Variants in BPTF observed in about 807,000 individuals in gnomAD.
BPTF encodes the protein bromodomain PHD finger transcription factor, also known as nucleosome-remodeling factor subunit BPTF.
BPTF carries 18 observed loss-of-function variants against 292.5 expected under a neutral mutation model. The ratio of observed to expected loss-of-function variants is 0.06; its 90% confidence interval spans 0.04 to 0.09. The LOEUF is 0.09. Ranked by LOEUF, BPTF falls within the 10% of genes least tolerant of loss-of-function variation. The pLI is 1.00. For synonymous variants in BPTF, 1,225 were observed against 1,251.9 expected, an observed-to-expected ratio of 0.98 and a Z score of 0.45; for missense variants, 2,726 against 3,498.7, an observed-to-expected ratio of 0.78 and a Z score of 5.57.
intron 24 of BPTF, 96 bp downstream of exon 24, chr17:67,959,971 T>C (rs1328575159): frequency 7.4e-6 from 7 of 949,862 alleles, no homozygotes; most frequent in African/African-American, 1.7e-5. Flanking sequence ...GTGATATAAA[T>C]GAAAATATTA....
At chr17:67,919,525 C>G (rs1250474346) in intron 12 of BPTF, among the ~76,000 whole-genome samples, 1 of 152,044 alleles carries the variant, frequency 6.6e-6, no homozygotes. Context: ...GATAACAGAG[C>G]AAAACCCTGT....
intron 2 of BPTF, among the ~76,000 whole-genome samples, chr17:67,859,420 A>T (rs2058940112): frequency 6.6e-6 from 1 of 152,246 alleles, no homozygotes; most frequent in South Asian, 2.1e-4. Flanking sequence ...TCATAGGGTT[A>T]CAGGCCTGAG....
intron 2 of BPTF, among the ~76,000 whole-genome samples, chr17:67,857,279 A>C (rs962586686): frequency 2.0e-5 from 3 of 149,098 alleles, no homozygotes; most frequent in African/African-American, 7.4e-5. Context: ...CTCCTGCCTC[A>C]ACCTCCGAGT....
chr17:67,883,704 A>T lies in BPTF; in HGVS notation c.1865-8140A>T, dbSNP rs537850914. On this transcript the variant is annotated intron_variant, in intron 4 of 27. Transcript: ENST00000306378. ...AACCTCCGCCCCCCTGGGTTCAAGCAGTTCTTCTGCCTCAGCCTCCCAGGT... is the reference window on the plus strand; with the variant it reads ...AACCTCCGCCCCCCTGGGTTCAAGCTGTTCTTCTGCCTCAGCCTCCCAGGT... Among the ~76,000 whole-genome samples, 42 of 152,102 alleles carry T rather than the reference A, an allele frequency of 2.8e-4. 1 individual carries two copies. In the South Asian group the frequency reaches 6.9e-3, roughly 25 times the overall value.
At chr17:67,896,446 C>T (rs546588150) in intron 7 of BPTF, among the ~76,000 whole-genome samples, 41 of 124,184 alleles carry the variant, frequency 3.3e-4, no homozygotes, top group Non-Finnish European at 6.1e-4. Flanking sequence ...GTTTACTCTA[C>T]GGGTAATGAG....
intron 3 of BPTF, among the ~76,000 whole-genome samples, chr17:67,870,245 T>C (rs551362124): frequency 1.8e-4 from 27 of 151,824 alleles, no homozygotes; most frequent in Admixed American, 1.2e-3. Flanking sequence ...GACATAAATA[T>C]TTTTTTCTTT....
chr17:67,918,567 C>T, intron 11 of BPTF, 147 bp from the exon 12 acceptor site: 2 of 629,642 alleles, frequency 3.2e-6, no homozygotes, highest in Non-Finnish European at 4.8e-6. Flanking sequence ...ACATATAATA[C>T]CAAAGTCTTA....
chr17:67,929,313 T>C (rs1247573199), intron 16 of BPTF, 23 bp from the exon 17 acceptor site: 1 of 1,612,442 alleles, frequency 6.2e-7, no homozygotes, highest in East Asian at 2.2e-5. Flanking sequence ...TAGTTTTTAA[T>C]TATGGCTTCA....
chr17:67,829,149 A>G (rs1598078509), intron 1 of BPTF, among the ~76,000 whole-genome samples: 1 of 149,028 alleles, frequency 6.7e-6, no homozygotes, highest in African/African-American at 2.5e-5. Context: ...TTTTTGATGG[A>G]CAATTTGATC....
At chr17:67,970,840 T>A (rs2068677376) in intron 26 of BPTF, among the ~76,000 whole-genome samples, 1 of 152,230 alleles carries the variant, frequency 6.6e-6, no homozygotes, top group African/African-American at 2.4e-5. Flanking sequence ...TTTTTTATTG[T>A]GTGTAGTTTT....
intron 26 of BPTF, chr17:67,974,187 A>G (rs1031303618): frequency 6.6e-6 from 1 of 152,162 alleles, no homozygotes; most frequent in Non-Finnish European, 1.5e-5. Flanking sequence ...GTCAAATTGT[A>G]TACAGAATTT....
Position 67,891,997 on chromosome 17 carries a change from C to T in BPTF, c.2018C>T (p.Ala673Val), listed in dbSNP as rs765602921. ...QLKSQQVAAA[A>V]HEANKLFKEG... ...AAGAGCCAGCAGGTGGCAGCCGCTG[C>T]ACATGAAGCAAATAAATTATTTAAG... The change falls in exon 5 of 28, where the codon GCA becomes GTA. Residue 673 changes from alanine to valine, a missense_variant. Physicochemically the swap from Ala to Val is moderately conservative, Grantham distance 64. Around this residue, in one of 22 missense-constraint regions of BPTF, gnomAD observed 63 missense variants for 84.1 expected, o/e 0.75. Transcript: ENST00000306378. The T allele has an allele frequency of 1.2e-5, 20 of 1,605,348 alleles. 1 individual carries two copies. In the Middle Eastern group the frequency reaches 5.0e-4, roughly 40 times the overall value.
intron 2 of BPTF, among the ~76,000 whole-genome samples, chr17:67,860,587 A>G (rs1278770642): frequency 6.6e-6 from 1 of 152,246 alleles, no homozygotes. Flanking sequence ...AAGTGGGCCA[A>G]TCTTTCTTAA....
intron 16 of BPTF, 168 bp from the exon 17 acceptor site, chr17:67,929,168 T>G: frequency 7.2e-7 from 1 of 1,397,198 alleles, no homozygotes; most frequent in Non-Finnish European, 9.3e-7. Context: ...ATCATACTGT[T>G]GCCATTATTT....
chr17:67,951,716 C>A (rs2066377349), intron 23 of BPTF: 1 of 151,972 alleles, frequency 6.6e-6, no homozygotes, highest in Admixed American at 6.6e-5. Context: ...CATATATAAA[C>A]CTGTTTTATA....
intron 23 of BPTF, chr17:67,956,379 G>C (rs1199260687): frequency 1.3e-5 from 2 of 151,620 alleles, no homozygotes; most frequent in Non-Finnish European, 2.9e-5. Context: ...GCACAGTGGT[G>C]CCATCATAGC....
intron 14 of BPTF, among the ~76,000 whole-genome samples, chr17:67,923,987 A>G (rs1158461949): frequency 2.0e-5 from 3 of 149,916 alleles, no homozygotes; most frequent in African/African-American, 7.4e-5. Flanking sequence ...GATTACAGGC[A>G]TGTGCCACCA....
At chr17:67,979,667 G>T (rs2070075759) in intron 27 of BPTF, among the ~76,000 whole-genome samples, 1 of 152,148 alleles carries the variant, frequency 6.6e-6, no homozygotes, top group Admixed American at 6.6e-5. Context: ...AGGGAGGTTG[G>T]GAAATGGTTA....
chr17:67,906,891 G>A (rs532567678), intron 9 of BPTF, among the ~76,000 whole-genome samples: 1 of 152,218 alleles, frequency 6.6e-6, no homozygotes, highest in South Asian at 2.1e-4. Context: ...AGAAGGTAAA[G>A]AATAGGAAAA....
Sources: gnomAD v4.1 joint callset for allele counts (sites outside exome capture counted in the v4.1 genomes callset) on GRCh38, gnomAD v4.1.1 for gene constraint, gnomAD v4.1.1 regional missense constraint, MANE v1.5 for transcripts, NCBI Gene and HGNC (gene_info 2026-07-23, HGNC 2026-07-21) for gene names.